Variants in MPDZ observed in about 807,000 individuals in gnomAD.
MPDZ encodes multiple PDZ domain protein.
A neutral mutation model predicts 239.1 loss-of-function variants in MPDZ; 234 were observed. The ratio of observed to expected loss-of-function variants is 0.98; its 90% CI spans 0.88 to 1.09. The LOEUF (loss-of-function observed/expected upper bound fraction) is 1.09, where lower values mean the gene tolerates loss of function less well. Among genes scored for constraint, MPDZ ranks in the 50% least tolerant of loss-of-function variants. The pLI is 0.00. For missense variants in MPDZ, 3,175 were observed against 2,510.0 expected, an observed-to-expected ratio of 1.26 and a Z score of -5.66; for synonymous variants, 1,048 against 881.3, an observed-to-expected ratio of 1.19 and a Z score of -3.35.
At chr9:13,164,530 G>A (rs1358965539) in intron 22 of MPDZ, among the ~76,000 whole-genome samples, 1 of 152,022 alleles carries the variant, frequency 6.6e-6, no homozygotes, top group Non-Finnish European at 1.5e-5. Flanking sequence ...AGGGAAGAAA[G>A]GCAGGATAGA....
chr9:13,278,719 G>C (rs907324202), intron 1 of MPDZ, among the ~76,000 whole-genome samples: 2 of 152,094 alleles, frequency 1.3e-5, no homozygotes, highest in Non-Finnish European at 2.9e-5. Flanking sequence ...GCGGTTAAAA[G>C]GGCGCCGGTG....
intron 1 of MPDZ, among the ~76,000 whole-genome samples, chr9:13,266,388 C>T (rs1266069113): frequency 6.6e-6 from 1 of 152,210 alleles, no homozygotes; most frequent in Non-Finnish European, 1.5e-5. Context: ...TCCAACTCTG[C>T]ACGGAGAAGT....
intron 15 of MPDZ, among the ~76,000 whole-genome samples, chr9:13,191,158 T>A (rs1202617124): frequency 2.0e-5 from 3 of 152,086 alleles, no homozygotes; most frequent in Non-Finnish European, 4.4e-5. Flanking sequence ...ATTATACACA[T>A]AAAAACATGT....
At chr9:13,237,003 A>T (rs1964230681) in intron 3 of MPDZ, among the ~76,000 whole-genome samples, 1 of 152,122 alleles carries the variant, frequency 6.6e-6, no homozygotes, top group South Asian at 2.1e-4. Flanking sequence ...TGAAAAAAAG[A>T]CTACAAATTG....
At chr9:13,255,482 A>C (rs941370327) in intron 1 of MPDZ, among the ~76,000 whole-genome samples, 8 of 152,240 alleles carry the variant, frequency 5.3e-5, no homozygotes, top group Non-Finnish European at 1.5e-5. Context: ...CATTAAGTAC[A>C]GAAGCTATAA....
intron 10 of MPDZ, among the ~76,000 whole-genome samples, chr9:13,207,617 T>C (rs1316663101): frequency 6.6e-6 from 1 of 152,228 alleles, no homozygotes; most frequent in Non-Finnish European, 1.5e-5. Flanking sequence ...TAAACTACCT[T>C]GATGTCTTTG....
intron 10 of MPDZ, among the ~76,000 whole-genome samples, chr9:13,208,462 A>T (rs12003433): frequency 0.057 from 7,831 of 136,586 alleles, 545 homozygotes; most frequent in African/African-American, 0.17. Flanking sequence ...AATAAATATT[A>T]AAAAAAAAAA....
rs371723735 is a variant in MPDZ, at chr9:13,183,354, C to A, written c.2649+64G>T. On this transcript the variant is annotated intron_variant, in intron 19 of 46. Coordinates refer to ENST00000319217, the MANE Select transcript of MPDZ (RefSeq NM_001378778.1). ...TTATTCCCACAACTCCCCATAAGGA[C>A]TGAGCTCTGGAAAATTACACACAAG... The A allele has an allele frequency of 2.4e-5, 33 of 1,359,302 alleles. No individual in the cohort carries two copies. In the African/African-American group the frequency reaches 3.4e-4, roughly 14 times the overall value. 84.2% of individuals were successfully genotyped at this position (1,359,302 alleles called of 1,614,324 possible). A position where few individuals can be genotyped will look rare whatever the true frequency, so the allele number is the denominator to read the frequency against.
intron 12 of MPDZ, among the ~76,000 whole-genome samples, chr9:13,200,458 CTGCTCCT>C (rs1165669497): frequency 1.3e-5 from 2 of 151,844 alleles, no homozygotes; most frequent in African/African-American, 4.8e-5. Context: ...TTCTTTCTTT[CTGCTCCT>C]TCGGGTTTGG....
intron 34 of MPDZ, 130 bp from the exon 35 acceptor site, chr9:13,125,520 CTT>C (rs1944983789): frequency 1.3e-6 from 1 of 791,378 alleles, no homozygotes. Flanking sequence ...CAAATTATTT[CTT>C]TGTCAGGACT....
At position 13,185,901 on chromosome 9, in the gene MPDZ, C is replaced by G. The variant is rs539862835; in HGVS notation, c.2481+369G>C. 4.0e-4 allele frequency among the ~76,000 whole-genome samples: 61 copies of G among 152,096 alleles called. 1 individual carries two copies. Among genetic ancestry groups the G allele is most frequent in the African/African-American group, 1.2e-3 (48 of 41,514 alleles). On this transcript the variant is annotated intron_variant, in intron 18 of 46. Coordinates refer to ENST00000319217, the MANE Select transcript of MPDZ (RefSeq NM_001378778.1). Reference sequence around the variant, plus strand: ...TCTAATGGAAAAAAGATACCTATTACCTCATTAAATACAGCCAAAACAGTG... The same window carrying G: ...TCTAATGGAAAAAAGATACCTATTAGCTCATTAAATACAGCCAAAACAGTG...
intron 3 of MPDZ, among the ~76,000 whole-genome samples, chr9:13,234,652 G>A (rs1463620391): frequency 6.6e-6 from 1 of 152,038 alleles, no homozygotes; most frequent in Non-Finnish European, 1.5e-5. Flanking sequence ...AATGACTACT[G>A]CTTTTGCAAC....
At chr9:13,107,849 A>T (rs1941742233) in intron 46 of MPDZ, among the ~76,000 whole-genome samples, 1 of 152,158 alleles carries the variant, frequency 6.6e-6, no homozygotes, top group Non-Finnish European at 1.5e-5. Flanking sequence ...GTTAATGAGG[A>T]ATCCATAATG....
chr9:13,216,963 C>T (rs949706960), intron 9 of MPDZ, 101 bp from the exon 10 acceptor site: 6 of 910,858 alleles, frequency 6.6e-6, no homozygotes, highest in Non-Finnish European at 1.0e-5. Context: ...AGAATAAATA[C>T]GTATCATCTA....
intron 39 of MPDZ, among the ~76,000 whole-genome samples, chr9:13,117,314 G>A (rs1275150258): frequency 1.3e-5 from 2 of 152,052 alleles, no homozygotes; most frequent in East Asian, 1.9e-4. Flanking sequence ...GGTGGATCAC[G>A]AAGTCAGGAG....
chr9:13,261,877 A>C (rs1357230380), intron 1 of MPDZ, among the ~76,000 whole-genome samples: 1 of 151,720 alleles, frequency 6.6e-6, no homozygotes, highest in Non-Finnish European at 1.5e-5. Context: ...CAAAAAAAAA[A>C]AAAAAAAAAT....
At chr9:13,115,120 C>G in intron 40 of MPDZ, 128 bp downstream of exon 40, 2 of 700,756 alleles carry the variant, frequency 2.9e-6, no homozygotes, top group Non-Finnish European at 4.9e-6. Context: ...GTCTCAAACT[C>G]TGCACCTCAG....
chr9:13,212,876 AG>A, intron 10 of MPDZ, among the ~76,000 whole-genome samples: 1 of 151,696 alleles, frequency 6.6e-6, no homozygotes. Context: ...GAACAATTAC[AG>A]GGGAGAAATA....
At chr9:13,119,289 T>C (rs948458195) in intron 39 of MPDZ, among the ~76,000 whole-genome samples, 1 of 152,142 alleles carries the variant, frequency 6.6e-6, no homozygotes, top group Non-Finnish European at 1.5e-5. Context: ...TTTGCCATGT[T>C]GCCAAGGCTG....
Sources: allele counts gnomAD v4.1 joint callset (sites outside exome capture counted in the v4.1 genomes callset), GRCh38; gene constraint gnomAD v4.1.1; transcripts MANE v1.5; gene names NCBI Gene and HGNC (gene_info 2026-07-23, HGNC 2026-07-21).